Variants in KIZ observed in about 807,000 individuals in gnomAD.
KIZ encodes centrosomal protein kizuna.
In KIZ, 68 loss-of-function variants were observed where a neutral mutation model predicts 79.6. The observed-to-expected ratio is 0.85, with a 90% CI of 0.70 to 1.05. The LOEUF (loss-of-function observed/expected upper bound fraction) is 1.05, where lower values mean the gene tolerates loss of function less well. Among genes scored for constraint, KIZ ranks in the 50% least tolerant of loss-of-function variants. KIZ has a pLI of 0.00. For missense variants in KIZ, 797 were observed against 800.4 expected, an observed-to-expected ratio of 1.00 and a Z score of 0.05; for synonymous variants, 280 against 281.8, an observed-to-expected ratio of 0.99 and a Z score of 0.06.
intron 6 of KIZ, among the ~76,000 whole-genome samples, chr20:21,204,289 G>C (rs1434072319): frequency 6.7e-6 from 1 of 150,252 alleles, no homozygotes; most frequent in African/African-American, 2.4e-5. Context: ...CTAATTTTTT[G>C]TATTTTTAGT....
chr20:21,142,801 A>G (rs2032637524), intron 3 of KIZ, among the ~76,000 whole-genome samples: 1 of 151,664 alleles, frequency 6.6e-6, no homozygotes, highest in Non-Finnish European at 1.5e-5. Flanking sequence ...AAATAAATAA[A>G]TAAATAAATA....
At chr20:21,194,310 T>G (rs1425152132) in intron 6 of KIZ, 1 of 152,218 alleles carries the variant, frequency 6.6e-6, no homozygotes, top group African/African-American at 2.4e-5. Flanking sequence ...TGCCAGAGAC[T>G]GGACACAGGT....
At chr20:21,205,036 A>G (rs77239027) in intron 6 of KIZ, among the ~76,000 whole-genome samples, 58 of 152,272 alleles carry the variant, frequency 3.8e-4, no homozygotes, top group Non-Finnish European at 8.1e-4. Context: ...TCAGCACTTC[A>G]GGAGGCCGAG....
Position 21,161,906 on chromosome 20 carries a change from C to T in KIZ, c.441C>T (p.Ala147=). ...ACGAGGGGATTAACTCAGGAACAGCCATGTCAAGAGGATTGTATCAACCAG... is the reference window on the plus strand; with the variant it reads ...ACGAGGGGATTAACTCAGGAACAGCTATGTCAAGAGGATTGTATCAACCAG... ...AVHEGINSGT[A]MSRGLYQPAT... Residue 147 remains alanine (A), a synonymous_variant, in exon 5 of 13, where the codon GCC becomes GCT. Coordinates refer to ENST00000619189, the MANE Select transcript of KIZ (RefSeq NM_018474.6). 6.2e-7 allele frequency: 1 copy of T among 1,613,080 alleles called. No homozygotes were observed. The highest frequency in any genetic ancestry group is 8.5e-7 in the Non-Finnish European group (1 of 1,179,246).
At chr20:21,179,200 G>T (rs2034550725) in intron 6 of KIZ, among the ~76,000 whole-genome samples, 1 of 127,140 alleles carries the variant, frequency 7.9e-6, no homozygotes. Flanking sequence ...CTGGTCCTGG[G>T]GTTTTTTTGT....
At chr20:21,162,563 G>A in intron 5 of KIZ, 56 bp downstream of exon 5, 4 of 1,340,656 alleles carry the variant, frequency 3.0e-6, no homozygotes, top group Non-Finnish European at 4.1e-6. Context: ...GTGATCTTAT[G>A]TAAGGACAAA....
At chr20:21,146,715 C>T (rs2032866104) in intron 4 of KIZ, among the ~76,000 whole-genome samples, 1 of 152,216 alleles carries the variant, frequency 6.6e-6, no homozygotes, top group Admixed American at 6.5e-5. Flanking sequence ...AGAGGCCACA[C>T]TATTTTGTTT....
chr20:21,138,416 T>C (rs1035400227), intron 3 of KIZ, among the ~76,000 whole-genome samples: 4 of 152,266 alleles, frequency 2.6e-5, no homozygotes, highest in African/African-American at 9.6e-5. Flanking sequence ...GTGATGACAA[T>C]GTTCTGTATC....
intron 11 of KIZ, among the ~76,000 whole-genome samples, chr20:21,240,911 C>T (rs1029840083): frequency 2.6e-5 from 4 of 152,176 alleles, no homozygotes; most frequent in Non-Finnish European, 4.4e-5. Context: ...TGAGTAGTTG[C>T]GGCAGACCAT....
At chr20:21,126,019 G>A (rs886065633), upstream of KIZ, 6 of 1,335,604 alleles carry the variant, frequency 4.5e-6, no homozygotes, top group African/African-American at 7.6e-5. Flanking sequence ...GGCCCGGCGC[G>A]GTGTTTACCC....
chr20:21,150,709 T>C (rs1487390286), intron 4 of KIZ: 1 of 152,212 alleles, frequency 6.6e-6, no homozygotes, highest in East Asian at 1.9e-4. Context: ...GACCTTTTTT[T>C]CAAGAGAGGG....
intron 6 of KIZ, among the ~76,000 whole-genome samples, chr20:21,202,133 G>A (rs765334708): frequency 5.3e-5 from 8 of 152,222 alleles, no homozygotes; most frequent in Non-Finnish European, 7.3e-5. Flanking sequence ...ATTGGGTGGT[G>A]TATTAGTAAC....
At chr20:21,183,177 G>A (rs2034731090) in intron 6 of KIZ, among the ~76,000 whole-genome samples, 1 of 152,202 alleles carries the variant, frequency 6.6e-6, no homozygotes, top group African/African-American at 2.4e-5. Flanking sequence ...CCAGCAAGGT[G>A]TTTGTCCTGT....
At chr20:21,209,578 T>A (rs2035979243) in intron 7 of KIZ, among the ~76,000 whole-genome samples, 1 of 151,006 alleles carries the variant, frequency 6.6e-6, no homozygotes, top group African/African-American at 2.4e-5. Context: ...TCTTCTCATT[T>A]AAAAAAAAAA....
intron 6 of KIZ, among the ~76,000 whole-genome samples, chr20:21,205,012 T>A (rs1381178548): frequency 6.6e-6 from 1 of 152,204 alleles, no homozygotes; most frequent in Non-Finnish European, 1.5e-5. Flanking sequence ...GCGTGGTGGC[T>A]CACCCCTGTA....
intron 9 of KIZ, chr20:21,218,000 T>G (rs1307178814): frequency 6.6e-6 from 1 of 152,064 alleles, no homozygotes; most frequent in Non-Finnish European, 1.5e-5. Context: ...CCTTGAGTTG[T>G]GGTGGCCACT....
intron 2 of KIZ, among the ~76,000 whole-genome samples, chr20:21,135,046 G>A (rs1461439233): frequency 6.6e-6 from 1 of 152,188 alleles, no homozygotes; most frequent in African/African-American, 2.4e-5. Context: ...GTTGCCCGGT[G>A]TGTAGAAGTC....
chr20:21,212,804 A>C (rs577117104), intron 7 of KIZ, among the ~76,000 whole-genome samples: 63 of 152,328 alleles, frequency 4.1e-4, no homozygotes, highest in African/African-American at 1.4e-3. Context: ...AAGCAGGTGC[A>C]GTGCAGTGGT....
chr20:21,216,459 C>CA (rs2036298931), intron 9 of KIZ, among the ~76,000 whole-genome samples: 1 of 152,076 alleles, frequency 6.6e-6, no homozygotes, highest in Non-Finnish European at 1.5e-5. Flanking sequence ...CAGTTCCTGG[C>CA]ATGATTAATT....
Sources: gnomAD v4.1 joint callset for allele counts (sites outside exome capture counted in the v4.1 genomes callset) on GRCh38, gnomAD v4.1.1 for gene constraint, MANE v1.5 for transcripts, NCBI Gene and HGNC (gene_info 2026-07-23, HGNC 2026-07-21) for gene names.